The following SNX25 variants were observed in gnomAD, a reference collection of about 807,000 sequenced individuals.
SNX25 encodes the protein sorting nexin 25, also known as sorting nexin-25.
SNX25 carries 62 observed loss-of-function variants against 113.7 expected under a neutral mutation model. The ratio of observed to expected loss-of-function variants is 0.55; its 90% CI spans 0.44 to 0.67. SNX25 has a LOEUF of 0.67. SNX25 is among the 30% of genes least tolerant of loss of function. The pLI is 0.00. For synonymous variants in SNX25, 421 were observed against 436.2 expected, an observed-to-expected ratio of 0.97 and a Z score of 0.43; for missense variants, 1,014 against 1,161.0, an observed-to-expected ratio of 0.87 and a Z score of 1.84.
downstream of SNX25, among the ~76,000 whole-genome samples, chr4:185,372,486 G>T (rs2095419245): frequency 6.6e-6 from 1 of 152,214 alleles, no homozygotes; most frequent in Non-Finnish European, 1.5e-5. Flanking sequence ...GAAGGATTTG[G>T]CATAGAACAT....
chr4:185,372,018 G>A (rs976245486), downstream of SNX25, among the ~76,000 whole-genome samples: 3 of 152,194 alleles, frequency 2.0e-5, no homozygotes, highest in African/African-American at 7.2e-5. Flanking sequence ...GTAAATACGT[G>A]TAGGAAAGTA....
chr4:185,316,960 G>A (rs1406412674), intron 7 of SNX25, among the ~76,000 whole-genome samples: 1 of 152,152 alleles, frequency 6.6e-6, no homozygotes, highest in Non-Finnish European at 1.5e-5. Flanking sequence ...TTATAGAAAC[G>A]AATTATTAAT....
chr4:185,277,217 G>A (rs1368778611), intron 5 of SNX25, among the ~76,000 whole-genome samples: 1 of 152,064 alleles, frequency 6.6e-6, no homozygotes, highest in Non-Finnish European at 1.5e-5. Flanking sequence ...TAGAAACTGG[G>A]TTTCACCATG....
At chr4:185,302,502 C>G (rs1753851957) in intron 6 of SNX25, among the ~76,000 whole-genome samples, 1 of 152,146 alleles carries the variant, frequency 6.6e-6, no homozygotes, top group African/African-American at 2.4e-5. Flanking sequence ...GAAAAAACCT[C>G]CACACATTTG....
chr4:185,342,244 GA>G, intron 12 of SNX25, 128 bp downstream of exon 12: 1 of 1,125,234 alleles, frequency 8.9e-7, no homozygotes, highest in Non-Finnish European at 1.2e-6. Context: ...TTTTCATCCT[GA>G]CATTTGGAAA....
downstream of SNX25, chr4:185,372,970 G>A (rs759875522): frequency 6.2e-6 from 10 of 1,613,882 alleles, no homozygotes; most frequent in East Asian, 2.2e-4. Context: ...GCACTGCAGG[G>A]CAGCTTCCGT....
At chr4:185,278,901 A>G (rs934005377) in intron 5 of SNX25, among the ~76,000 whole-genome samples, 1 of 152,188 alleles carries the variant, frequency 6.6e-6, no homozygotes, top group Admixed American at 6.5e-5. Context: ...TGGATAGCAC[A>G]GCAAAAATGT....
At chr4:185,229,862 C>T (rs1256986140) in intron 1 of SNX25, among the ~76,000 whole-genome samples, 1 of 152,128 alleles carries the variant, frequency 6.6e-6, no homozygotes, top group Non-Finnish European at 1.5e-5. Flanking sequence ...GGGTCTCACT[C>T]CTGTCACCCA....
At chr4:185,350,236 T>C (rs1221517184) in intron 13 of SNX25, among the ~76,000 whole-genome samples, 1 of 152,240 alleles carries the variant, frequency 6.6e-6, no homozygotes, top group Non-Finnish European at 1.5e-5. Flanking sequence ...ATTAGCCATC[T>C]AAACAAATAG....
intron 1 of SNX25, among the ~76,000 whole-genome samples, chr4:185,226,692 C>G (rs1226161194): frequency 2.0e-5 from 3 of 152,202 alleles, no homozygotes; most frequent in African/African-American, 4.8e-5. Flanking sequence ...CTCAAGTGAT[C>G]CTCCTACCTT....
At chr4:185,375,857 C>T in the SNX25 span, 8 of 501,132 alleles carry the variant, frequency 1.6e-5, no homozygotes, top group Non-Finnish European at 2.9e-5. Context: ...TATCTGAACC[C>T]ATGCCCCACG....
intron 1 of SNX25, among the ~76,000 whole-genome samples, chr4:185,214,196 T>G (rs1042572833): frequency 2.0e-5 from 3 of 152,028 alleles, no homozygotes; most frequent in African/African-American, 7.2e-5. Flanking sequence ...CTTATTTATG[T>G]CTCCTAAGTT....
At chr4:185,377,232 T>C in the SNX25 span, 49 of 505,144 alleles carry the variant, frequency 9.7e-5, no homozygotes, top group Non-Finnish European at 1.5e-4. Context: ...AATAAAGCAA[T>C]ACTGGCCGGG....
rs546051244 is a variant in SNX25, at chr4:185,286,214, C to A, written c.1092-1798C>A. 3.9e-5 allele frequency among the ~76,000 whole-genome samples: 6 copies of A among 152,242 alleles called. No individual in the cohort carries two copies. In the East Asian group the frequency reaches 9.6e-4, roughly 24 times the overall value. ...CACTGAGACTTTGAACTCCTGGGTT[C>A]AATTGATCCTTCTGCCTCAGCCTCC... On this transcript the variant is annotated intron_variant, in intron 5 of 18. Transcript: ENST00000652585.
chr4:185,292,201 C>G (rs1752266497), intron 6 of SNX25, among the ~76,000 whole-genome samples: 1 of 151,894 alleles, frequency 6.6e-6, no homozygotes, highest in Non-Finnish European at 1.5e-5. Flanking sequence ...GCCTTCATGT[C>G]CAGAAAAAGA....
intron 10 of SNX25, among the ~76,000 whole-genome samples, chr4:185,335,474 T>C (rs548208083): frequency 2.0e-5 from 3 of 152,308 alleles, no homozygotes; most frequent in Non-Finnish European, 4.4e-5. Flanking sequence ...AAATATCTAA[T>C]TATTAATCAG....
At chr4:185,367,039 A>G, downstream of SNX25, 1 of 767,162 alleles carries the variant, frequency 1.3e-6, no homozygotes, top group Non-Finnish European at 2.1e-6. Context: ...GTACGAATTC[A>G]AGAACGAAGT....
chr4:185,231,102 G>GT (rs33972141), intron 1 of SNX25, among the ~76,000 whole-genome samples: 191 of 140,522 alleles, frequency 1.4e-3, no homozygotes, highest in African/African-American at 2.6e-3. Context: ...CCTTTTTTTT[G>GT]TTTTTTTTTT....
chr4:185,244,723 A>G (rs1182404260), intron 1 of SNX25, among the ~76,000 whole-genome samples: 2 of 152,170 alleles, frequency 1.3e-5, no homozygotes, highest in East Asian at 3.8e-4. Context: ...TGAATGCTAT[A>G]TATTAATTTG....
Sources: allele counts gnomAD v4.1 joint callset (sites outside exome capture counted in the v4.1 genomes callset), GRCh38; gene constraint gnomAD v4.1.1; transcripts MANE v1.5; gene names NCBI Gene and HGNC (gene_info 2026-07-23, HGNC 2026-07-21).